Variants in NPAT observed in about 807,000 individuals in gnomAD.
NPAT encodes nuclear protein, coactivator of histone transcription, also known as protein NPAT.
In NPAT, 52 loss-of-function variants were observed where a neutral mutation model predicts 130.7. That is an observed-to-expected ratio of 0.40 (90% CI 0.32 to 0.50). The LOEUF is 0.50. Ranked by LOEUF, NPAT falls within the 20% of genes least tolerant of loss-of-function variation. The pLI is 0.68. For synonymous variants in NPAT, 580 were observed against 584.8 expected (o/e 0.99, Z 0.12); for missense variants, 1,687 against 1,662.6 (o/e 1.01, Z -0.26).
At position 108,189,344 on chromosome 11, in the gene NPAT, G is replaced by A; in HGVS notation, c.332-14C>T. The stretch of plus-strand genomic sequence containing the variant: ...TTCTCGTTCGGGCTGAAACATATAA[G>A]CATTTAAAAAACAAATTCAACGTCA... On this transcript the variant is annotated splice_polypyrimidine_tract_variant and intron_variant, in intron 5 of 17. Coordinates refer to ENST00000278612, the MANE Select transcript of NPAT (RefSeq NM_002519.3). The A allele has an allele frequency of 1.2e-6, 2 of 1,613,212 alleles. No individual in the cohort carries two copies. The highest frequency in any genetic ancestry group is 2.2e-5 in the East Asian group (1 of 44,874).
chr11:108,164,830 G>A (rs1201918028), intron 15 of NPAT, among the ~76,000 whole-genome samples: 1 of 152,044 alleles, frequency 6.6e-6, no homozygotes, highest in African/African-American at 2.4e-5. Context: ...TGGCCAACAC[G>A]GAGAACCCCG....
intron 1 of NPAT, 45 bp from the exon 2 acceptor site, chr11:108,197,465 C>T: frequency 7.9e-7 from 1 of 1,265,366 alleles, no homozygotes; most frequent in South Asian, 1.2e-5. Flanking sequence ...AAATTCTGTA[C>T]TTTTGGTTAA....
intron 1 of NPAT, among the ~76,000 whole-genome samples, chr11:108,202,973 C>T (rs902268012): frequency 6.6e-6 from 1 of 152,144 alleles, no homozygotes; most frequent in Non-Finnish European, 1.5e-5. Flanking sequence ...ACCCGGGGGT[C>T]TCAAAGGCAG....
chr11:108,192,179 T>G lies in NPAT; in HGVS notation c.229A>C (p.Asn77His). 6.2e-7 allele frequency: 1 copy of G among 1,601,604 alleles called. No individual in the cohort carries two copies. The highest frequency in any genetic ancestry group is 8.6e-7 in the Non-Finnish European group (1 of 1,168,776). Residue 77 changes from asparagine (N) to histidine (H), a missense_variant, in exon 4 of 18, where the codon AAT (asparagine) becomes CAT (histidine). Around this residue, in one of 3 missense-constraint regions of NPAT, gnomAD observed 307 missense variants for 298.9 expected, o/e 1.03. Coordinates refer to ENST00000278612, the MANE Select transcript of NPAT (RefSeq NM_002519.3). ...AGAGATGACATTATTGCTGGGACAT[T>G]ATTTGATGTTTCTAAATCATAGGAG... The part of the protein sequence containing the change: ...VAMKTKETSN[N>H]VPAIMSSLWK...
In NPAT at chr11:108,169,982, G is replaced by A. The variant is rs199616062; in HGVS notation, c.2847C>T (p.Ile949=). The A allele has an allele frequency of 2.5e-6, 4 of 1,613,910 alleles. No homozygotes were observed. Among genetic ancestry groups the A allele is most frequent in the African/African-American group, 1.3e-5 (1 of 75,032 alleles). The change falls in exon 14 of 18, where the codon ATC becomes ATT. Residue 949 remains isoleucine, a synonymous_variant. Transcript: ENST00000278612. ...QPVLQGMVGM[I]PVSVVGQNGN... ...CATTCTGTCCAACCACAGATACTGG[G>A]ATCATCCCTACCATTCCTTGGAGTA... is the stretch of plus-strand genomic sequence containing the variant.
At chr11:108,209,454 C>T (rs1186060973) in intron 1 of NPAT, among the ~76,000 whole-genome samples, 5 of 151,858 alleles carry the variant, frequency 3.3e-5, no homozygotes, top group Admixed American at 6.6e-5. Context: ...TGTGCTGGCA[C>T]GTGCCTGTAG....
In NPAT at chr11:108,186,580, T is replaced by A; in HGVS notation, c.639-11A>T. ...TTTCTCTGAGATTCACTGAAACACATTTTAAAAGCTTTTCTTTTAACCACT... is the reference window on the plus strand; with the variant it reads ...TTTCTCTGAGATTCACTGAAACACAATTTAAAAGCTTTTCTTTTAACCACT... On this transcript the variant is annotated splice_polypyrimidine_tract_variant and intron_variant, in intron 7 of 17. Transcript: ENST00000278612. 1.2e-6 allele frequency: 2 copies of A among 1,603,684 alleles called. No individual in the cohort carries two copies. The highest frequency in any genetic ancestry group is 1.7e-6 in the Non-Finnish European group (2 of 1,170,758).
In NPAT at chr11:108,157,497, T is replaced by G. The variant is rs556838406; in HGVS notation, c.*1445A>C. On this transcript the variant is annotated 3_prime_UTR_variant, in exon 18 of 18. Transcript: ENST00000278612. ...ATTTAGTTCCTTAGGAATAGACCAC[T>G]GCCACACCATACAAATTTCTTACAT... The G allele has an allele frequency of 6.6e-6, 1 of 152,122 alleles. No homozygotes were observed. Among genetic ancestry groups the G allele is most frequent in the Non-Finnish European group, 1.5e-5 (1 of 67,958 alleles). The allele number at this position is 152,122 out of a possible 1,614,324, so 9.4% of individuals were successfully genotyped here.
Position 108,158,666 on chromosome 11 carries a change from G to A in NPAT, c.*276C>T, listed in dbSNP as rs1194153474. The A allele has an allele frequency of 1.1e-5, 4 of 355,080 alleles. No homozygotes were observed. Among genetic ancestry groups the A allele is most frequent in the African/African-American group, 8.5e-5 (4 of 47,182 alleles). 22.0% of individuals were successfully genotyped at this position (355,080 alleles called of 1,614,324 possible). On this transcript the variant is annotated 3_prime_UTR_variant, in exon 18 of 18. Transcript: ENST00000278612. ...CCTCTATTTCAACAAGATTTACACA[G>A]TATTTACAATATGGAATTGTCAAAG...
At chr11:108,163,897 G>T (rs956458058) in intron 15 of NPAT, among the ~76,000 whole-genome samples, 1 of 152,148 alleles carries the variant, frequency 6.6e-6, no homozygotes, top group Non-Finnish European at 1.5e-5. Context: ...GAGGTTAAGA[G>T]ATTAACATAA....
chr11:108,202,638 A>G (rs2078284909), intron 1 of NPAT, among the ~76,000 whole-genome samples: 1 of 152,154 alleles, frequency 6.6e-6, no homozygotes, highest in East Asian at 1.9e-4. Flanking sequence ...ATCTGCTAAA[A>G]ATGGTCAAAA....
intron 2 of NPAT, among the ~76,000 whole-genome samples, chr11:108,195,806 T>G (rs1008325305): frequency 2.6e-5 from 4 of 152,172 alleles, no homozygotes; most frequent in Non-Finnish European, 5.9e-5. Context: ...AAAAATTGTT[T>G]TCTAGAGATG....
intron 10 of NPAT, among the ~76,000 whole-genome samples, chr11:108,183,350 A>AG (rs1423305822): frequency 1.3e-5 from 2 of 152,194 alleles, no homozygotes; most frequent in African/African-American, 4.8e-5. Flanking sequence ...ACTGACATAG[A>AG]GAAAAACAAT....
intron 2 of NPAT, among the ~76,000 whole-genome samples, 184 bp downstream of exon 2, chr11:108,197,118 T>C (rs972949726): frequency 5.9e-5 from 9 of 152,256 alleles, no homozygotes; most frequent in African/African-American, 2.2e-4. Context: ...ATTCATTTAA[T>C]AGTTTTGGCA....
rs79119325 is a variant in NPAT, at chr11:108,161,887, C to A, written c.3199G>T (p.Asp1067Tyr). Reference sequence around the variant, plus strand: ...TTTGCCACAGGAGCAGTAGTGCTGTCGAAACAGAGTACACGTCTGTGGCAT... The same window carrying A: ...TTTGCCACAGGAGCAGTAGTGCTGTAGAAACAGAGTACACGTCTGTGGCAT... ...KPCHRRVLCF[D>Y]STTAPVANTQ... The change falls in exon 17 of 18, where the codon GAC (aspartate) becomes TAC (tyrosine). Residue 1067 changes from aspartate (D) to tyrosine (Y), a missense_variant. Transcript: ENST00000278612. The A allele has an allele frequency of 3.7e-6, 6 of 1,613,774 alleles. No homozygotes were observed. The Admixed American group carries it at 1.0e-4, about 27-fold the overall frequency.
In NPAT at chr11:108,189,736, A is replaced by G. The variant is rs920427450; in HGVS notation, c.332-406T>C. Reference sequence around the variant, plus strand: ...ATACAAAAAATTAGCCGGGCGTGGTAGCGGGCGCCTGTAGTCCCAGCTACT... The same window carrying G: ...ATACAAAAAATTAGCCGGGCGTGGTGGCGGGCGCCTGTAGTCCCAGCTACT... On this transcript the variant is annotated intron_variant, in intron 5 of 17. Transcript: ENST00000278612. Among the ~76,000 whole-genome samples the G allele has an allele frequency of 6.9e-4, 105 of 151,242 alleles. 1 individual carries two copies. The highest frequency in any genetic ancestry group is 2.4e-3 in the African/African-American group (99 of 41,262).
intron 1 of NPAT, among the ~76,000 whole-genome samples, chr11:108,219,216 T>C (rs1490521484): frequency 6.6e-6 from 1 of 152,200 alleles, no homozygotes; most frequent in African/African-American, 2.4e-5. Flanking sequence ...AGCCATATTT[T>C]TCCCCCATTC....
rs999245778 is a variant in NPAT at position 108,214,880 on chromosome 11, G to A, written c.37+7620C>T. On this transcript the variant is annotated intron_variant, in intron 1 of 17. Coordinates refer to ENST00000278612, the MANE Select transcript of NPAT (RefSeq NM_002519.3). ...ACTCCTGACCTCAGGTGATTTGCCCGCCTCGGCCTCCCAAAGTGCTGGGAT... is the reference window on the plus strand; with the variant it reads ...ACTCCTGACCTCAGGTGATTTGCCCACCTCGGCCTCCCAAAGTGCTGGGAT... 9.2e-5 allele frequency among the ~76,000 whole-genome samples: 14 copies of A among 152,248 alleles called. No individual in the cohort carries two copies. The East Asian group carries it at 9.7e-4, about 11-fold the overall frequency.
At chr11:108,197,832 C>A (rs942324651) in intron 1 of NPAT, among the ~76,000 whole-genome samples, 3 of 152,198 alleles carry the variant, frequency 2.0e-5, no homozygotes, top group South Asian at 2.1e-4. Context: ...TATTTGTATA[C>A]TTCATTTATT....
Sources: gnomAD v4.1 joint callset for allele counts (sites outside exome capture counted in the v4.1 genomes callset) on GRCh38, gnomAD v4.1.1 for gene constraint, gnomAD v4.1.1 regional missense constraint, MANE v1.5 for transcripts, NCBI Gene and HGNC (gene_info 2026-07-23, HGNC 2026-07-21) for gene names.